The following TANC1 variants were observed in gnomAD, a reference collection of about 807,000 sequenced individuals.
TANC1 encodes the protein tetratricopeptide repeat, ankyrin repeat and coiled-coil containing 1.
TANC1 carries 77 observed loss-of-function variants against 149.7 expected under a neutral mutation model. The observed-to-expected ratio is 0.51, with a 90% CI of 0.43 to 0.62. TANC1 has a LOEUF of 0.62. TANC1 is among the 20% of genes least tolerant of loss of function. The pLI is 0.00. For synonymous variants in TANC1, 854 were observed against 925.0 expected (o/e 0.92, Z 1.39); for missense variants, 1,985 against 2,321.8 (o/e 0.85, Z 2.98).
intron 2 of TANC1, among the ~76,000 whole-genome samples, chr2:159,059,685 A>G (rs1473757214): frequency 1.3e-5 from 2 of 152,064 alleles, no homozygotes; most frequent in Non-Finnish European, 2.9e-5. Flanking sequence ...GTCTCTGTCA[A>G]TTCCTAGGAT....
chr2:159,049,221 A>G (rs1398734062), intron 2 of TANC1, among the ~76,000 whole-genome samples: 1 of 152,122 alleles, frequency 6.6e-6, no homozygotes, highest in African/African-American at 2.4e-5. Flanking sequence ...TTTCTTATAA[A>G]ATTGTCCTGT....
At chr2:158,978,553 C>T (rs2033950906) in intron 1 of TANC1, among the ~76,000 whole-genome samples, 3 of 152,042 alleles carry the variant, frequency 2.0e-5, no homozygotes, top group East Asian at 1.9e-4. Context: ...TGGAGTAACA[C>T]GAAAGGCCTG....
intron 3 of TANC1, among the ~76,000 whole-genome samples, chr2:159,095,067 T>G (rs2045958021): frequency 6.6e-6 from 1 of 152,002 alleles, no homozygotes; most frequent in Non-Finnish European, 1.5e-5. Context: ...TGCCTCAGCC[T>G]CCCAAGTAGC....
intron 19 of TANC1, among the ~76,000 whole-genome samples, chr2:159,203,407 G>T (rs1414827897): frequency 3.3e-5 from 5 of 151,758 alleles, no homozygotes; most frequent in Non-Finnish European, 5.9e-5. Flanking sequence ...GGGTTTCACT[G>T]TATTGGCCAG....
intron 4 of TANC1, among the ~76,000 whole-genome samples, chr2:159,121,300 T>G (rs1207221410): frequency 6.6e-6 from 1 of 152,248 alleles, no homozygotes. Flanking sequence ...TTTATGCACT[T>G]AATTGCACTA....
At chr2:159,172,061 T>G in intron 10 of TANC1, 60 bp from the exon 11 acceptor site, 1 of 1,521,694 alleles carries the variant, frequency 6.6e-7, no homozygotes, top group Non-Finnish European at 9.0e-7. Flanking sequence ...AAGAAATATA[T>G]TCAATACCAC....
chr2:159,136,045 T>TGTGTGTGTGTGTGTGCGC, intron 4 of TANC1, 149 bp from the exon 5 acceptor site: 1 of 107,702 alleles, frequency 9.3e-6, no homozygotes, highest in Admixed American at 1.3e-4. Context: ...TGTGTGTGTG[T>TGTGTGTGTGTGTGTGCGC]GTGTGCGCGC....
intron 2 of TANC1, among the ~76,000 whole-genome samples, chr2:159,027,812 C>T (rs11688424): frequency 0.24 from 37,165 of 152,148 alleles, 5,970 homozygotes; most frequent in Non-Finnish European, 0.37. Flanking sequence ...AATTATTTCT[C>T]ACAGTTCTGG....
intron 21 of TANC1, 120 bp from the exon 22 acceptor site, chr2:159,219,572 C>A: frequency 7.3e-7 from 1 of 1,361,612 alleles, no homozygotes; most frequent in Non-Finnish European, 1.0e-6. Flanking sequence ...CCAGTGTCAC[C>A]CTTCACAGTG....
rs536141846 is a variant in TANC1 at position 159,228,826 on chromosome 2, A to G, written c.4081A>G (p.Lys1361Glu). Residue 1361 changes from lysine to glutamate, a missense_variant, in exon 26 of 27, where the codon AAG becomes GAG. By Grantham distance (56) the Lys-to-Glu change is moderately conservative. Around this residue, in one of 3 missense-constraint regions of TANC1, gnomAD observed 920 missense variants for 994.7 expected, o/e 0.92. Coordinates refer to ENST00000263635, the MANE Select transcript of TANC1 (RefSeq NM_033394.3). ...DFGMAEEFAS[K>E]ALELKPKSYE... is the part of the protein sequence containing the mutation. ...TGGCATGGCAGAGGAATTTGCTTCC[A>G]AGGCTCTCGAATTGAAGCCCAAGTC... 2 of 1,614,182 alleles carry G rather than the reference A, an allele frequency of 1.2e-6. No individual in the cohort carries two copies. Among genetic ancestry groups the G allele is most frequent in the African/African-American group, 2.7e-5 (2 of 75,058 alleles).
intron 2 of TANC1, among the ~76,000 whole-genome samples, chr2:159,029,085 A>T (rs796959146): frequency 3.9e-5 from 6 of 152,268 alleles, no homozygotes; most frequent in African/African-American, 1.4e-4. Context: ...ACCTCATAAG[A>T]GTGGAATCGT....
intron 7 of TANC1, among the ~76,000 whole-genome samples, chr2:159,159,656 G>T (rs1453864926): frequency 6.7e-6 from 1 of 149,868 alleles, no homozygotes; most frequent in Non-Finnish European, 1.5e-5. Context: ...CAGAAGAATT[G>T]GTATTAGCTA....
intron 24 of TANC1, 194 bp from the exon 25 acceptor site, chr2:159,227,625 G>C: frequency 1.7e-6 from 1 of 600,674 alleles, no homozygotes; most frequent in South Asian, 2.1e-5. Context: ...GCGGGTGCAT[G>C]TGAGGACAGT....
chr2:159,179,711 TG>T lies in TANC1; in HGVS notation c.2510+549del, dbSNP rs148118592. Among the ~76,000 whole-genome samples the T allele has an allele frequency of 2.0e-5, 3 of 152,226 alleles. No individual in the cohort carries two copies. The East Asian group carries it at 5.8e-4, about 29-fold the overall frequency. ...TCCCCGCTCCACACCCTTCACCCTT[TG>T]TGGATGAGCTCTGTGTGGTGGACTG... On this transcript the variant is annotated intron_variant, in intron 14 of 26. Coordinates refer to ENST00000263635, the MANE Select transcript of TANC1 (RefSeq NM_033394.3).
intron 1 of TANC1, among the ~76,000 whole-genome samples, chr2:158,995,717 A>G (rs1366954494): frequency 6.6e-6 from 1 of 152,134 alleles, no homozygotes; most frequent in Admixed American, 6.5e-5. Context: ...TTTAAACCCT[A>G]CATTTCTCAG....
chr2:159,137,880 G>T (rs773675854), intron 5 of TANC1, among the ~76,000 whole-genome samples: 9 of 152,182 alleles, frequency 5.9e-5, no homozygotes, highest in Non-Finnish European at 8.8e-5. Flanking sequence ...GTATCGTTAA[G>T]GTTCTGTACA....
intron 2 of TANC1, among the ~76,000 whole-genome samples, chr2:159,026,733 C>T (rs182133771): frequency 1.4e-3 from 208 of 152,020 alleles, no homozygotes; most frequent in African/African-American, 4.8e-3. Flanking sequence ...CACTTGGGGT[C>T]GCTTGAGCCA....
At position 159,102,376 on chromosome 2, in the gene TANC1, C is replaced by T. The variant is rs549878540; in HGVS notation, c.259+4542C>T. On this transcript the variant is annotated intron_variant, in intron 4 of 26. Coordinates refer to ENST00000263635, the MANE Select transcript of TANC1 (RefSeq NM_033394.3). ...CTCACTGTAGCCTCAACCTCCTGGG[C>T]TCAAGCGATCCTTCCACCTCAGCCT... 2.3e-4 allele frequency among the ~76,000 whole-genome samples: 35 copies of T among 151,174 alleles called. No individual in the cohort carries two copies. The East Asian group carries it at 5.3e-3, about 23-fold the overall frequency.
intron 18 of TANC1, among the ~76,000 whole-genome samples, 171 bp from the exon 19 acceptor site, chr2:159,198,804 G>A (rs1166550950): frequency 1.3e-5 from 2 of 152,138 alleles, no homozygotes; most frequent in South Asian, 2.1e-4. Flanking sequence ...CCAACTGAAA[G>A]TGTGAATAGC....
Sources: allele counts gnomAD v4.1 joint callset (sites outside exome capture counted in the v4.1 genomes callset), GRCh38; gene constraint gnomAD v4.1.1; regional missense constraint gnomAD v4.1.1; transcripts MANE v1.5; gene names NCBI Gene and HGNC (gene_info 2026-07-23, HGNC 2026-07-21).